DSCAM: variants seen among roughly 807,000 people sequenced by gnomAD.
DSCAM encodes cell adhesion molecule DSCAM.
In DSCAM, 47 loss-of-function variants were observed where a neutral mutation model predicts 217.7. That is an observed-to-expected ratio of 0.22 (90% confidence interval 0.17 to 0.28). The LOEUF (loss-of-function observed/expected upper bound fraction) is 0.28. Among genes scored for constraint, DSCAM ranks in the 10% least tolerant of loss-of-function variants. The pLI is 1.00. For missense variants in DSCAM, 2,080 were observed against 2,618.3 expected (o/e 0.79, Z 4.49); for synonymous variants, 1,056 against 1,015.3 (o/e 1.04, Z -0.76).
chr21:40,121,681 C>CTTTTTTTTTTTTTTTTTTTTTTTTTTTT lies in DSCAM; in HGVS notation c.3696+2513_3696+2514insAAAAAAAAAAAAAAAAAAAAAAAAAAAA, dbSNP rs201672838. On this transcript the variant is annotated intron_variant, in intron 20 of 32. Coordinates refer to ENST00000400454, the MANE Select transcript of DSCAM (RefSeq NM_001389.5). Reference sequence around the variant, plus strand: ...CTGGTGGGTTTGCTCTCATTACTGTCTTTTTTTTTTTTTTTTTTTTTTTTT... The same window carrying CTTTTTTTTTTTTTTTTTTTTTTTTTTTT: ...CTGGTGGGTTTGCTCTCATTACTGTCTTTTTTTTTTTTTTTTTTTTTTTTTTTTTTTTTTTTTTTTTTTTTTTTTTTTT... Among the ~76,000 whole-genome samples the CTTTTTTTTTTTTTTTTTTTTTTTTTTTT allele has an allele frequency of 9.5e-5, 7 of 73,732 alleles. 1 individual carries two copies. Among genetic ancestry groups the CTTTTTTTTTTTTTTTTTTTTTTTTTTTT allele is most frequent in the African/African-American group, 4.0e-4 (7 of 17,380 alleles). The allele number at this position is 73,732 out of a possible 152,430, so 48.4% of individuals were successfully genotyped here. A position where few individuals can be genotyped will look rare whatever the true frequency, so the allele number is the denominator to read the frequency against.
At chr21:40,727,817 C>A (rs1569004930) in intron 1 of DSCAM, among the ~76,000 whole-genome samples, 1 of 152,192 alleles carries the variant, frequency 6.6e-6, no homozygotes, top group African/African-American at 2.4e-5. Context: ...GCCTATCTTC[C>A]TACAGGATCC....
At chr21:40,575,528 G>A (rs997969295) in intron 3 of DSCAM, among the ~76,000 whole-genome samples, 2 of 152,140 alleles carry the variant, frequency 1.3e-5, no homozygotes, top group African/African-American at 4.8e-5. Context: ...AGCCAATTAG[G>A]TGACAGGGGA....
At chr21:40,385,075 C>T (rs566954063) in intron 3 of DSCAM, 15 of 152,188 alleles carry the variant, frequency 9.9e-5, no homozygotes, top group Middle Eastern at 3.4e-3. Context: ...TTCCCAGTTT[C>T]GACTTTTTAT....
At chr21:40,202,798 C>G (rs2091084434) in intron 11 of DSCAM, among the ~76,000 whole-genome samples, 2 of 152,214 alleles carry the variant, frequency 1.3e-5, no homozygotes, top group South Asian at 4.1e-4. Flanking sequence ...CCTCTTCATT[C>G]AAGCATTAGT....
chr21:40,298,444 T>A (rs1220152880), intron 9 of DSCAM, among the ~76,000 whole-genome samples: 1 of 152,124 alleles, frequency 6.6e-6, no homozygotes, highest in East Asian at 1.9e-4. Flanking sequence ...ACACAGCCAA[T>A]GGGTTTCTGA....
At chr21:40,188,970 G>A (rs1197092512) in intron 12 of DSCAM, 72 bp downstream of exon 12, 74 of 1,480,802 alleles carry the variant, frequency 5.0e-5, no homozygotes, top group Middle Eastern at 1.7e-4. Context: ...ATCTGCACCC[G>A]CTTCTGTGAA....
chr21:40,338,382 G>T lies in DSCAM; in HGVS notation c.1508-6C>A. 6.2e-7 allele frequency: 1 copy of T among 1,606,704 alleles called. No homozygotes were observed. Among genetic ancestry groups the T allele is most frequent in the East Asian group, 2.2e-5 (1 of 44,666 alleles). On this transcript the variant is annotated splice_polypyrimidine_tract_variant and splice_region_variant and intron_variant, in intron 7 of 32. Transcript: ENST00000400454. The stretch of plus-strand genomic sequence containing the variant: ...TGGTCGAATGCTTGCAGGCCCTGGA[G>T]AGACACAAAGAAACTCTTGAAAATA...
chr21:40,042,348 C>T (rs756129887), intron 32 of DSCAM, 23 bp downstream of exon 32: 1 of 1,608,176 alleles, frequency 6.2e-7, no homozygotes, highest in Non-Finnish European at 8.5e-7. Flanking sequence ...AGCGACGGCC[C>T]CCAGGTGGCC....
intron 3 of DSCAM, among the ~76,000 whole-genome samples, chr21:40,380,767 T>G (rs2075012098): frequency 6.6e-6 from 1 of 152,150 alleles, no homozygotes; most frequent in South Asian, 2.1e-4. Context: ...GGATATGGTT[T>G]GAAAATAGAA....
chr21:40,087,089 G>A, intron 22 of DSCAM, 81 bp downstream of exon 22: 1 of 1,015,130 alleles, frequency 9.9e-7, no homozygotes, highest in East Asian at 2.4e-5. Flanking sequence ...ACAAAATTAG[G>A]AGACCACTAG....
chr21:40,794,046 G>C (rs2091669940), intron 1 of DSCAM, among the ~76,000 whole-genome samples: 1 of 152,130 alleles, frequency 6.6e-6, no homozygotes, highest in Non-Finnish European at 1.5e-5. Context: ...GCAATGTTCT[G>C]TGGGAAAAGG....
chr21:40,350,032 T>G (rs2074611964), intron 5 of DSCAM, among the ~76,000 whole-genome samples: 1 of 152,186 alleles, frequency 6.6e-6, no homozygotes, highest in Admixed American at 6.5e-5. Flanking sequence ...TAATCCATTC[T>G]GGTAATCTTC....
chr21:40,308,789 T>A (rs2074107491), intron 9 of DSCAM, among the ~76,000 whole-genome samples: 1 of 152,194 alleles, frequency 6.6e-6, no homozygotes, highest in African/African-American at 2.4e-5. Context: ...GGAGGATAAA[T>A]GTGTTACCTG....
intron 3 of DSCAM, among the ~76,000 whole-genome samples, chr21:40,479,610 T>C (rs147225228): frequency 4.6e-5 from 7 of 152,278 alleles, no homozygotes; most frequent in African/African-American, 1.4e-4. Flanking sequence ...TTTATAAAAC[T>C]ATCAGATCTC....
intron 20 of DSCAM, among the ~76,000 whole-genome samples, chr21:40,107,786 T>A (rs2089840294): frequency 6.6e-6 from 1 of 152,272 alleles, no homozygotes; most frequent in East Asian, 1.9e-4. Context: ...GACAGTTAGA[T>A]CTTTGTCTTT....
intron 3 of DSCAM, among the ~76,000 whole-genome samples, chr21:40,572,912 ATC>A (rs1431083923): frequency 1.2e-4 from 19 of 152,344 alleles, no homozygotes; most frequent in Admixed American, 9.8e-4. Context: ...TTACATAATT[ATC>A]TCTAATAGAA....
chr21:40,797,248 C>T (rs764212289), intron 1 of DSCAM, among the ~76,000 whole-genome samples: 2 of 152,158 alleles, frequency 1.3e-5, no homozygotes, highest in Non-Finnish European at 2.9e-5. Flanking sequence ...TATCAGTAAA[C>T]ATCACAGCTT....
At chr21:40,314,212 G>T (rs2026272) in intron 8 of DSCAM, among the ~76,000 whole-genome samples, 93,201 of 152,056 alleles carry the variant, frequency 0.61, 29,289 homozygotes, top group African/African-American at 0.74. Flanking sequence ...TCACTATGAC[G>T]GCTGTCTGCT....
intron 9 of DSCAM, among the ~76,000 whole-genome samples, chr21:40,299,252 A>G (rs1288273511): frequency 6.6e-6 from 1 of 152,246 alleles, no homozygotes; most frequent in Non-Finnish European, 1.5e-5. Flanking sequence ...ATATTTTACT[A>G]AGTGCATGAA....
Sources: gnomAD v4.1 joint callset for allele counts (sites outside exome capture counted in the v4.1 genomes callset) on GRCh38, gnomAD v4.1.1 for gene constraint, MANE v1.5 for transcripts, NCBI Gene and HGNC (gene_info 2026-07-23, HGNC 2026-07-21) for gene names.